CSF1: variants seen among roughly 807,000 people sequenced by gnomAD.
The protein encoded by CSF1 is macrophage colony-stimulating factor 1.
A neutral mutation model predicts 48.9 loss-of-function variants in CSF1; 9 were observed. The ratio of observed to expected loss-of-function variants is 0.18; its 90% confidence interval spans 0.11 to 0.32. The LOEUF (loss-of-function observed/expected upper bound fraction) is 0.32. Among genes scored for constraint, CSF1 ranks in the 10% least tolerant of loss-of-function variants. The probability of loss-of-function intolerance (pLI) is 1.00; values close to 1 mark genes in which losing one functional copy is unlikely to be tolerated. For synonymous variants in CSF1, 305 were observed against 284.1 expected (o/e 1.07, Z -0.74); for missense variants, 672 against 697.9 (o/e 0.96, Z 0.42).
At chr1:109,911,100 G>C in intron 1 of CSF1, 38 bp downstream of exon 1, 1 of 1,010,530 alleles carries the variant, frequency 9.9e-7, no homozygotes, top group Non-Finnish European at 1.2e-6. Context: ...GGGACGGGCT[G>C]GGGCGGGGGC....
intron 1 of CSF1, among the ~76,000 whole-genome samples, chr1:109,912,800 C>T (rs937787602): frequency 6.6e-6 from 1 of 152,152 alleles, no homozygotes; most frequent in Non-Finnish European, 1.5e-5. Context: ...TTTCTGAGTA[C>T]CTGGGCCATT....
chr1:109,916,393 C>A (rs1406253611), intron 3 of CSF1, among the ~76,000 whole-genome samples: 2 of 152,134 alleles, frequency 1.3e-5, no homozygotes, highest in African/African-American at 2.4e-5. Context: ...AACATCAGGG[C>A]CCCCATCACT....
At chr1:109,921,456 C>T (rs942257412) in intron 4 of CSF1, among the ~76,000 whole-genome samples, 1 of 152,214 alleles carries the variant, frequency 6.6e-6, no homozygotes, top group Admixed American at 6.5e-5. Flanking sequence ...TCTCCCTGAA[C>T]ACTTGTTTAG....
chr1:109,924,906 G>T (rs1647770480), intron 7 of CSF1, 78 bp downstream of exon 7: 3 of 1,408,776 alleles, frequency 2.1e-6, no homozygotes, highest in East Asian at 2.4e-5. Flanking sequence ...TGGTGGTGGG[G>T]CTCTCCTGCT....
intron 2 of CSF1, among the ~76,000 whole-genome samples, chr1:109,915,150 G>C (rs3093047): frequency 6.6e-6 from 1 of 152,044 alleles, no homozygotes; most frequent in African/African-American, 2.4e-5. Flanking sequence ...TGTAGTTGCT[G>C]TAGCAATCCA....
Position 109,917,533 on chromosome 1 carries a change from C to T in CSF1, c.396+70C>T, listed in dbSNP as rs1570791721. 21 of 1,480,180 alleles carry T rather than the reference C, an allele frequency of 1.4e-5. No individual in the cohort carries two copies. In the East Asian group the frequency reaches 4.8e-4, roughly 34 times the overall value. 91.7% of individuals were successfully genotyped at this position (1,480,180 alleles called of 1,614,324 possible). ...GGCTGTGGAGGCGCCGCTCTATCCA[C>T]AGGCACAGAGTACATTCGCTCACCT... On this transcript the variant is annotated intron_variant, in intron 4 of 8. Transcript: ENST00000329608.
At chr1:109,924,250 G>A (rs1014792253) in intron 6 of CSF1, 60 bp downstream of exon 6, 23 of 1,467,960 alleles carry the variant, frequency 1.6e-5, no homozygotes, top group South Asian at 6.7e-5. Context: ...AGAGCCTGGC[G>A]GGGGTGCAGG....
Position 109,911,035 on chromosome 1 carries a change from G to T in CSF1, c.12G>T (p.Pro4=). MTA[P]GAAGRCPPTT... is the part of the protein sequence containing the mutation. ...ACCCAGCTGCCCGTATGACCGCGCC[G>T]GGCGCCGCCGGGCGCTGCCCTCCCA... The change falls in exon 1 of 9, where the codon CCG becomes CCT. Residue 4 remains proline, a synonymous_variant. Coordinates refer to ENST00000329608, the MANE Select transcript of CSF1 (RefSeq NM_000757.6). 8.8e-7 allele frequency: 1 copy of T among 1,139,334 alleles called. No individual in the cohort carries two copies. The highest frequency in any genetic ancestry group is 1.1e-6 in the Non-Finnish European group (1 of 929,460). 70.6% of individuals were successfully genotyped at this position (1,139,334 alleles called of 1,614,324 possible).
intron 8 of CSF1, among the ~76,000 whole-genome samples, chr1:109,928,552 A>G (rs552852582): frequency 1.3e-5 from 2 of 152,296 alleles, no homozygotes; most frequent in East Asian, 3.9e-4. Flanking sequence ...CTGCTTGAGC[A>G]GTAACCCCTC....
chr1:109,925,069 T>C (rs1048705321), intron 7 of CSF1, 78 bp from the exon 8 acceptor site: 14 of 1,333,888 alleles, frequency 1.0e-5, no homozygotes, highest in Non-Finnish European at 1.5e-5. Context: ...TGTCTGGGGC[T>C]TAGGGGTAAA....
At position 109,924,201 on chromosome 1, in the gene CSF1, C is replaced by A; in HGVS notation, c.1569+11C>A. 1 of 1,590,198 alleles carries A rather than the reference C, an allele frequency of 6.3e-7. No individual in the cohort carries two copies. The highest frequency in any genetic ancestry group is 8.6e-7 in the Non-Finnish European group (1 of 1,168,972). On this transcript the variant is annotated intron_variant, in intron 6 of 8. Coordinates refer to ENST00000329608, the MANE Select transcript of CSF1 (RefSeq NM_000757.6). The stretch of plus-strand genomic sequence containing the variant: ...AGGTGGAGGCGGCGGGTGAGTAGAT[C>A]CCCATGAGGAAGAAGAGCACGTCCC...
rs959061719 is a variant in CSF1 at position 109,913,289 on chromosome 1, C to T, written c.40-970C>T. Among the ~76,000 whole-genome samples the T allele has an allele frequency of 5.3e-5, 8 of 152,344 alleles. No individual in the cohort carries two copies. The East Asian group carries it at 1.5e-3, about 29-fold the overall frequency. The stretch of plus-strand genomic sequence containing the variant: ...AGCATTTCCCTGAATCTGGGGGCAT[C>T]AGCCGCCAGGAGGCTTGGGAGCTCT... On this transcript the variant is annotated intron_variant, in intron 1 of 8. Transcript: ENST00000329608.
chr1:109,917,110 C>T (rs994656171), intron 3 of CSF1, among the ~76,000 whole-genome samples, 183 bp from the exon 4 acceptor site: 7 of 152,004 alleles, frequency 4.6e-5, no homozygotes, highest in East Asian at 1.9e-4. Flanking sequence ...TCTCCAGTGG[C>T]GCTAGATCCC....
In CSF1 at chr1:109,924,006, A is replaced by G; in HGVS notation, c.1385A>G (p.Glu462Gly). ...GAGCCAGAAGGAGGACCAGCAAGTG[A>G]AGGGGCAGCCAGGCCCCTGCCCCGT... ...PAEPEGGPAS[E>G]GAARPLPRFN... The change falls in exon 6 of 9, where the codon GAA becomes GGA. Residue 462 changes from glutamate to glycine, a missense_variant. This residue lies in a region of CSF1 where 591 missense variants were observed against 593.6 expected (regional missense o/e 1.00). Coordinates refer to ENST00000329608, the MANE Select transcript of CSF1 (RefSeq NM_000757.6). 6.2e-7 allele frequency: 1 copy of G among 1,614,182 alleles called. No homozygotes were observed. Among genetic ancestry groups the G allele is most frequent in the South Asian group, 1.1e-5 (1 of 91,088 alleles).
At chr1:109,915,898 C>A (rs1000594990) in intron 3 of CSF1, among the ~76,000 whole-genome samples, 2 of 152,150 alleles carry the variant, frequency 1.3e-5, no homozygotes, top group Non-Finnish European at 2.9e-5. Context: ...TGATACATAA[C>A]AAGCGCTCAC....
rs1647271973 is a variant in CSF1 at position 109,917,398 on chromosome 1, C to G, written c.331C>G (p.Gln111Glu). The stretch of plus-strand genomic sequence containing the variant: ...CACCCCCAATGCCATCGCCATTGTG[C>G]AGCTGCAGGAACTCTCTTTGAGGCT... ...DNTPNAIAIV[Q>E]LQELSLRLKS... is the part of the protein sequence containing the mutation. Residue 111 changes from glutamine to glutamate, a missense_variant, in exon 4 of 9, where the codon CAG becomes GAG. Gln to Glu is a conservative substitution (Grantham distance 29, BLOSUM62 2). Coordinates refer to ENST00000329608, the MANE Select transcript of CSF1 (RefSeq NM_000757.6). 5 of 1,614,204 alleles carry G rather than the reference C, an allele frequency of 3.1e-6. No individual in the cohort carries two copies. Among genetic ancestry groups the G allele is most frequent in the Non-Finnish European group, 4.2e-6 (5 of 1,180,030 alleles).
chr1:109,917,655 G>A (rs1218052707), intron 4 of CSF1, among the ~76,000 whole-genome samples, 192 bp downstream of exon 4: 1 of 152,206 alleles, frequency 6.6e-6, no homozygotes, highest in Non-Finnish European at 1.5e-5. Context: ...CCCTGACAAT[G>A]TCATCATGAG....
Position 109,923,332 on chromosome 1 carries a change from T to C in CSF1, c.711T>C (p.Gly237=). The change falls in exon 6 of 9, where the codon GGT becomes GGC. Residue 237 remains glycine (G), a synonymous_variant. Coordinates refer to ENST00000329608, the MANE Select transcript of CSF1 (RefSeq NM_000757.6). ...CTGAGGGCAGCTCCCTCTTGCCTGGTGAGCAGCCCCTGCACACAGTGGATC... is the reference window on the plus strand; with the variant it reads ...CTGAGGGCAGCTCCCTCTTGCCTGGCGAGCAGCCCCTGCACACAGTGGATC... ...EGTEGSSLLP[G]EQPLHTVDPG... 1 of 1,612,338 alleles carries C rather than the reference T, an allele frequency of 6.2e-7. No individual in the cohort carries two copies. The highest frequency in any genetic ancestry group is 2.2e-5 in the East Asian group (1 of 44,838).
chr1:109,928,143 C>T (rs572563469), intron 8 of CSF1, among the ~76,000 whole-genome samples: 6 of 152,290 alleles, frequency 3.9e-5, no homozygotes, highest in South Asian at 2.1e-4. Flanking sequence ...GGGAACAAAG[C>T]GTCCTGAGGA....
Sources: allele counts gnomAD v4.1 joint callset (sites outside exome capture counted in the v4.1 genomes callset), GRCh38; gene constraint gnomAD v4.1.1; regional missense constraint gnomAD v4.1.1; transcripts MANE v1.5; gene names NCBI Gene and HGNC (gene_info 2026-07-23, HGNC 2026-07-21).